TMEM225B: variants seen among roughly 807,000 people sequenced by gnomAD.
The protein encoded by TMEM225B is transmembrane protein 225B.
A neutral mutation model predicts 16.9 loss-of-function variants in TMEM225B; 10 were observed. The ratio of observed to expected loss-of-function variants is 0.59; its 90% CI spans 0.36 to 1.00. The LOEUF (loss-of-function observed/expected upper bound fraction) is 1.00, where lower values mean the gene tolerates loss of function less well. Ranked by LOEUF, TMEM225B falls within the 50% of genes least tolerant of loss-of-function variation. The pLI is 0.01. For missense variants in TMEM225B, 217 were observed against 267.0 expected, an observed-to-expected ratio of 0.81 and a Z score of 1.30; for synonymous variants, 92 against 109.8, an observed-to-expected ratio of 0.84 and a Z score of 1.01.
In TMEM225B at chr7:99,610,652, T is replaced by C; in HGVS notation, c.*87T>C. 8.2e-7 allele frequency: 1 copy of C among 1,216,798 alleles called. No individual in the cohort carries two copies. The highest frequency in any genetic ancestry group is 1.5e-5 in the African/African-American group (1 of 66,780). 75.4% of individuals were successfully genotyped at this position (1,216,798 alleles called of 1,614,324 possible). A position where few individuals can be genotyped will look rare whatever the true frequency, so the allele number is the denominator to read the frequency against. Reference sequence around the variant, plus strand: ...TAGTCCTCCCCACCCTCTCTGCCAGTATCTGTGCCTTTGAGGAGCTTCTTG... The same window carrying C: ...TAGTCCTCCCCACCCTCTCTGCCAGCATCTGTGCCTTTGAGGAGCTTCTTG... On this transcript the variant is annotated 3_prime_UTR_variant, in exon 6 of 6. Transcript: ENST00000431679.
At chr7:99,610,105 G>A (rs1425507739) in intron 5 of TMEM225B, among the ~76,000 whole-genome samples, 1 of 151,898 alleles carries the variant, frequency 6.6e-6, no homozygotes, top group African/African-American at 2.4e-5. Flanking sequence ...TTGGGCCTGG[G>A]TTTTGTGTTG....
At chr7:99,600,365 G>C in intron 2 of TMEM225B, 80 bp downstream of exon 2, 1 of 693,334 alleles carries the variant, frequency 1.4e-6, no homozygotes, top group Non-Finnish European at 2.6e-6. Flanking sequence ...GCACTTTTCA[G>C]GGGAGTGGGG....
In TMEM225B at chr7:99,608,013, G is replaced by A. The variant is rs564333496; in HGVS notation, c.493+203G>A. On this transcript the variant is annotated intron_variant, in intron 5 of 5. Transcript: ENST00000431679. ...TTCACACCTGTAATTCCAGTGCTTC[G>A]GGAGGCCGAGATGGGTGGATCACTT... Among the ~76,000 whole-genome samples the A allele has an allele frequency of 3.9e-5, 6 of 152,324 alleles. No individual in the cohort carries two copies. The South Asian group carries it at 8.3e-4, about 21-fold the overall frequency.
intron 5 of TMEM225B, among the ~76,000 whole-genome samples, chr7:99,608,838 C>CATATATATATATATAT (rs1562956515): frequency 7.3e-5 from 8 of 110,034 alleles, no homozygotes; most frequent in African/African-American, 3.4e-4. Context: ...TGTGTGTGCA[C>CATATATATATATATAT]GTATATATAT....
intron 2 of TMEM225B, among the ~76,000 whole-genome samples, chr7:99,601,219 A>G (rs1805332727): frequency 6.6e-6 from 1 of 152,098 alleles, no homozygotes; most frequent in Non-Finnish European, 1.5e-5. Context: ...ATCATTTTAG[A>G]TAGAAGGAAG....
In TMEM225B at chr7:99,607,786, G is replaced by A. The variant is rs1163994523; in HGVS notation, c.469G>A (p.Gly157Ser). ...GTGGCCTTACTACGTGCTGGGCTTC[G>A]GCATCTTTCTGTTCATAGTGGCTGG... Reference protein sequence around the residue: ...VLWPYYVLGFGIFLFIVAGTI... With the variant: ...VLWPYYVLGFSIFLFIVAGTI... Residue 157 changes from glycine (G) to serine (S), a missense_variant, in exon 5 of 6, where the codon GGC (glycine) becomes AGC (serine). Gly to Ser is a moderately conservative substitution (Grantham distance 56). Coordinates refer to ENST00000431679, the MANE Select transcript of TMEM225B (RefSeq NM_001195541.3). 4.0e-5 allele frequency: 62 copies of A among 1,535,886 alleles called. No individual in the cohort carries two copies. The highest frequency in any genetic ancestry group is 5.2e-5 in the Non-Finnish European group (60 of 1,146,870).
At chr7:99,609,513 A>T (rs1297410457) in intron 5 of TMEM225B, among the ~76,000 whole-genome samples, 1 of 151,982 alleles carries the variant, frequency 6.6e-6, no homozygotes, top group Non-Finnish European at 1.5e-5. Flanking sequence ...ATCTCGGCTC[A>T]CTGCAACCTC....
At chr7:99,603,747 T>A (rs889817361) in intron 2 of TMEM225B, among the ~76,000 whole-genome samples, 112 of 147,610 alleles carry the variant, frequency 7.6e-4, no homozygotes, top group Middle Eastern at 3.4e-3. Context: ...TTCTTTTTTT[T>A]AAATTATTTA....
At chr7:99,602,252 G>A (rs1805434031) in intron 2 of TMEM225B, among the ~76,000 whole-genome samples, 1 of 152,212 alleles carries the variant, frequency 6.6e-6, no homozygotes, top group Non-Finnish European at 1.5e-5. Flanking sequence ...CCTTCCCATT[G>A]CTGGATAACT....
chr7:99,610,632 C>A lies in TMEM225B; in HGVS notation c.*67C>A. The A allele has an allele frequency of 7.2e-7, 1 of 1,391,420 alleles. No homozygotes were observed. Among genetic ancestry groups the A allele is most frequent in the Non-Finnish European group, 9.8e-7 (1 of 1,024,988 alleles). 86.2% of individuals were successfully genotyped at this position (1,391,420 alleles called of 1,614,324 possible). On this transcript the variant is annotated 3_prime_UTR_variant, in exon 6 of 6. Coordinates refer to ENST00000431679, the MANE Select transcript of TMEM225B (RefSeq NM_001195541.3). ...TGTACACATGTAGCTGTTTGTAGTCCTCCCCACCCTCTCTGCCAGTATCTG... is the reference window on the plus strand; with the variant it reads ...TGTACACATGTAGCTGTTTGTAGTCATCCCCACCCTCTCTGCCAGTATCTG...
intron 4 of TMEM225B, among the ~76,000 whole-genome samples, 176 bp downstream of exon 4, chr7:99,607,070 C>G (rs992534317): frequency 6.6e-6 from 1 of 152,138 alleles, no homozygotes; most frequent in Non-Finnish European, 1.5e-5. Context: ...TCACTGCAGC[C>G]TTAACCTCCC....
At chr7:99,605,996 G>A (rs1805777052) in intron 3 of TMEM225B, among the ~76,000 whole-genome samples, 1 of 152,214 alleles carries the variant, frequency 6.6e-6, no homozygotes, top group Non-Finnish European at 1.5e-5. Context: ...TTACTTCAGG[G>A]TAACCAATAC....
chr7:99,606,743 T>A lies in TMEM225B; in HGVS notation c.209-5T>A, dbSNP rs752785601. ...GCTTCAGCCCCACTTCTCCCTCCCCTGCAGTTTACATCATCCTCGGCCGGG... is the reference window on the plus strand; with the variant it reads ...GCTTCAGCCCCACTTCTCCCTCCCCAGCAGTTTACATCATCCTCGGCCGGG... On this transcript the variant is annotated splice_polypyrimidine_tract_variant and splice_region_variant and intron_variant, in intron 3 of 5. Transcript: ENST00000431679. 2.0e-6 allele frequency: 3 copies of A among 1,535,982 alleles called. No individual in the cohort carries two copies. The South Asian group carries it at 3.6e-5, about 18-fold the overall frequency.
intron 4 of TMEM225B, 65 bp from the exon 5 acceptor site, chr7:99,607,608 T>C: frequency 6.9e-7 from 1 of 1,449,356 alleles, no homozygotes; most frequent in Non-Finnish European, 9.1e-7. Flanking sequence ...CCACAGGGGG[T>C]GAAGTTTGGA....
At chr7:99,600,669 C>T (rs137885574) in intron 2 of TMEM225B, among the ~76,000 whole-genome samples, 289 of 152,198 alleles carry the variant, frequency 1.9e-3, no homozygotes, top group Middle Eastern at 6.8e-3. Flanking sequence ...CCACGAGAAC[C>T]GTATGGGGGA....
Position 99,604,371 on chromosome 7 carries a change from T to C in TMEM225B, c.-3-15T>C, listed in dbSNP as rs73405285. 2.1e-3 allele frequency: 3,218 copies of C among 1,530,928 alleles called. 62 individuals carry two copies. The African/African-American group carries it at 0.04, about 19-fold the overall frequency. 94.8% of individuals were successfully genotyped at this position (1,530,928 alleles called of 1,614,324 possible). A position where few individuals can be genotyped will look rare whatever the true frequency, so the allele number is the denominator to read the frequency against. ...GTCGGTGTCCCACCTCCACGATCAC[T>C]TTTCTCTTACACAGGTGATGCTGAC... On this transcript the variant is annotated splice_polypyrimidine_tract_variant and intron_variant, in intron 2 of 5. Transcript: ENST00000431679.
At chr7:99,607,882 C>A in intron 5 of TMEM225B, 72 bp downstream of exon 5, 1 of 1,468,182 alleles carries the variant, frequency 6.8e-7, no homozygotes, top group South Asian at 1.3e-5. Flanking sequence ...TGTGGAGGCC[C>A]TCCCTTTGGA....
At chr7:99,607,923 G>T in intron 5 of TMEM225B, 113 bp downstream of exon 5, 1 of 1,166,758 alleles carries the variant, frequency 8.6e-7, no homozygotes, top group Non-Finnish European at 1.2e-6. Flanking sequence ...CCAAACCGCA[G>T]CTGCCAGTTA....
chr7:99,609,000 C>G (rs1004523518), intron 5 of TMEM225B, among the ~76,000 whole-genome samples: 1 of 151,784 alleles, frequency 6.6e-6, no homozygotes, highest in African/African-American at 2.4e-5. Context: ...AAACCCATCT[C>G]TACTAAAAAT....
Sources: gnomAD v4.1 joint callset for allele counts (sites outside exome capture counted in the v4.1 genomes callset) on GRCh38, gnomAD v4.1.1 for gene constraint, MANE v1.5 for transcripts, NCBI Gene and HGNC (gene_info 2026-07-23, HGNC 2026-07-21) for gene names.